Variants in SV2B observed in about 807,000 individuals in gnomAD.
SV2B encodes synaptic vesicle glycoprotein 2B.
SV2B carries 41 observed loss-of-function variants against 73.9 expected under a neutral mutation model. The observed-to-expected ratio is 0.56, with a 90% CI of 0.43 to 0.72. SV2B has a LOEUF of 0.72. Ranked by LOEUF, SV2B falls within the 30% of genes least tolerant of loss-of-function variation. The pLI is 0.00. For missense variants in SV2B, 764 were observed against 857.8 expected, an observed-to-expected ratio of 0.89 and a Z score of 1.37; for synonymous variants, 314 against 314.2, an observed-to-expected ratio of 1.00 and a Z score of 0.01.
chr15:91,302,118 T>C lies in SV2B; in HGVS notation c.*9566T>C, dbSNP rs1161020333. Among the ~76,000 whole-genome samples the C allele has an allele frequency of 1.3e-5, 2 of 152,220 alleles. No individual in the cohort carries two copies. Among genetic ancestry groups the C allele is most frequent in the Admixed American group, 6.5e-5 (1 of 15,282 alleles). On this transcript the variant is annotated 3_prime_UTR_variant, in exon 13 of 13. Coordinates refer to ENST00000394232, the MANE Select transcript of SV2B (RefSeq NM_001323032.3). ...ACAAGACTGTGACCTAATAAAACCC[T>C]CATTTTCCCTATGCATTGTGACTAA... is the stretch of plus-strand genomic sequence containing the variant.
At chr15:91,195,001 G>A in intron 1 of SV2B, among the ~76,000 whole-genome samples, 1 of 137,620 alleles carries the variant, frequency 7.3e-6, no homozygotes, top group Non-Finnish European at 1.5e-5. Context: ...ATGGAGCAGG[G>A]CCTGGGAGGC....
chr15:91,258,336 T>C lies in SV2B; in HGVS notation c.785-85T>C. ...CGGGTGACTCTCTTGTGCCCTGAAGTTTGTGAGCCAGGGCTTCAGAGTCAC... is the reference window on the plus strand; with the variant it reads ...CGGGTGACTCTCTTGTGCCCTGAAGCTTGTGAGCCAGGGCTTCAGAGTCAC... On this transcript the variant is annotated intron_variant, in intron 4 of 12. Coordinates refer to ENST00000394232, the MANE Select transcript of SV2B (RefSeq NM_001323032.3). This position sits in a 1 kb window ranked among gnomAD's most constrained non-coding sequence, Gnocchi z 4.7. The C allele has an allele frequency of 6.4e-7, 1 of 1,557,976 alleles. No homozygotes were observed. The highest frequency in any genetic ancestry group is 8.7e-7 in the Non-Finnish European group (1 of 1,150,876).
chr15:91,213,664 A>C (rs1480336328), intron 1 of SV2B, among the ~76,000 whole-genome samples: 1 of 152,070 alleles, frequency 6.6e-6, no homozygotes, highest in Non-Finnish European at 1.5e-5. Context: ...TACTCCTCTT[A>C]CTTAATTTTA....
chr15:91,106,849 A>G lies in SV2B; in HGVS notation c.-392+6486A>G, dbSNP rs865803380. 3.3e-5 allele frequency among the ~76,000 whole-genome samples: 5 copies of G among 152,152 alleles called. No homozygotes were observed. Among genetic ancestry groups the G allele is most frequent in the Middle Eastern group, 6.8e-3 (2 of 294 alleles). On this transcript the variant is annotated intron_variant, in intron 1 of 12. Transcript: ENST00000394232. This position sits in a 1 kb window ranked among gnomAD's most constrained non-coding sequence, Gnocchi z 4.4. ...CGAGTGTCACCAGCTTGCTTGAGAA[A>G]CCCCACATCTACAGTAGCTTGCATA...
At position 91,281,658 on chromosome 15, in the gene SV2B, GT is replaced by G; in HGVS notation, c.1374-66del. ...ACATCTCCTTTTTCTGCCTTGCTGTGTTTTCCATTTTGGTCTTAAGTCTCTT... is the reference window on the plus strand; with the variant it reads ...ACATCTCCTTTTTCTGCCTTGCTGTGTTTCCATTTTGGTCTTAAGTCTCTT... On this transcript the variant is annotated intron_variant, in intron 9 of 12. Coordinates refer to ENST00000394232, the MANE Select transcript of SV2B (RefSeq NM_001323032.3). The surrounding 1 kb of genome is among the most constrained non-coding windows in gnomAD (Gnocchi z 4.7). The G allele has an allele frequency of 6.6e-7, 1 of 1,507,258 alleles. No homozygotes were observed. Among genetic ancestry groups the G allele is most frequent in the Non-Finnish European group, 8.9e-7 (1 of 1,120,120 alleles). 93.4% of individuals were successfully genotyped at this position (1,507,258 alleles called of 1,614,324 possible).
chr15:91,164,437 C>G (rs4932520), intron 1 of SV2B, among the ~76,000 whole-genome samples: 71,403 of 152,018 alleles, frequency 0.47, 17,083 homozygotes, highest in East Asian at 0.7. Context: ...AGCCAGAATA[C>G]TGTGTCAAAT....
intron 1 of SV2B, among the ~76,000 whole-genome samples, chr15:91,172,283 AT>A (rs2044148983): frequency 6.6e-6 from 1 of 152,084 alleles, no homozygotes; most frequent in Non-Finnish European, 1.5e-5. Flanking sequence ...AAACATTTAC[AT>A]GTGCTTTTCT....
Position 91,258,611 on chromosome 15 carries a change from C to A in SV2B, c.918+57C>A. 6.2e-7 allele frequency: 1 copy of A among 1,607,158 alleles called. No homozygotes were observed. Among genetic ancestry groups the A allele is most frequent in the South Asian group, 1.1e-5 (1 of 89,834 alleles). ...TGACAAAACAGCCACAGGAACCCAGCCTCGCTTCCTTCTCTCAGCTCCTAG... is the reference window on the plus strand; with the variant it reads ...TGACAAAACAGCCACAGGAACCCAGACTCGCTTCCTTCTCTCAGCTCCTAG... On this transcript the variant is annotated intron_variant, in intron 5 of 12. Coordinates refer to ENST00000394232, the MANE Select transcript of SV2B (RefSeq NM_001323032.3). The surrounding 1 kb of genome is among the most constrained non-coding windows in gnomAD (Gnocchi z 4.7).
At chr15:91,218,190 C>T (rs1224446842) in intron 1 of SV2B, among the ~76,000 whole-genome samples, 1 of 152,076 alleles carries the variant, frequency 6.6e-6, no homozygotes, top group Non-Finnish European at 1.5e-5. Flanking sequence ...GACAGTTGTG[C>T]AGCAATATGA....
chr15:91,263,761 C>T (rs757556225), intron 6 of SV2B, among the ~76,000 whole-genome samples: 4 of 152,268 alleles, frequency 2.6e-5, no homozygotes, highest in South Asian at 4.2e-4. Flanking sequence ...GAATGGACTT[C>T]CCGAACATTT....
chr15:91,125,654 A>G (rs2042456002), intron 1 of SV2B, among the ~76,000 whole-genome samples: 1 of 151,906 alleles, frequency 6.6e-6, no homozygotes, highest in Non-Finnish European at 1.5e-5. Flanking sequence ...GCACGCCTGT[A>G]GTCCCAGCTA....
At chr15:91,176,481 G>C (rs1459670783) in intron 1 of SV2B, among the ~76,000 whole-genome samples, 2 of 152,066 alleles carry the variant, frequency 1.3e-5, no homozygotes, top group Non-Finnish European at 2.9e-5. Flanking sequence ...CTTCCACAAG[G>C]GTTGAACTAG....
rs1328311235 is a variant in SV2B at position 91,300,092 on chromosome 15, G to T, written c.*7540G>T. ...TGTGCACTAGTCAGTTTTGATTCAG[G>T]TTACATAAGGGATAAAATATAGAAA... On this transcript the variant is annotated 3_prime_UTR_variant, in exon 13 of 13. Coordinates refer to ENST00000394232, the MANE Select transcript of SV2B (RefSeq NM_001323032.3). The T allele has an allele frequency of 6.6e-6, 1 of 152,202 alleles. No individual in the cohort carries two copies. Among genetic ancestry groups the T allele is most frequent in the Non-Finnish European group, 1.5e-5 (1 of 68,026 alleles). The allele number at this position is 152,202 out of a possible 1,614,324, so 9.4% of individuals were successfully genotyped here. A position where few individuals can be genotyped will look rare whatever the true frequency, so the allele number is the denominator to read the frequency against.
Position 91,289,640 on chromosome 15 carries a change from C to CT in SV2B, c.1829dup (p.Asp611GlyfsTer91). ...GACAAGCATTGCAGCCTGGAATGCTCTGGATGTGATCACAGTGGAGCTGTA... is the reference window on the plus strand; with the variant it reads ...GACAAGCATTGCAGCCTGGAATGCTCTTGGATGTGATCACAGTGGAGCTGTA... On this transcript the variant is annotated frameshift_variant, in exon 12 of 13. Coordinates refer to ENST00000394232, the MANE Select transcript of SV2B (RefSeq NM_001323032.3). LOFTEE classifies it high-confidence loss of function. This position sits in a 1 kb window ranked among gnomAD's most constrained non-coding sequence, Gnocchi z 4.9. The CT allele has an allele frequency of 6.2e-7, 1 of 1,614,044 alleles. No individual in the cohort carries two copies. Among genetic ancestry groups the CT allele is most frequent in the Non-Finnish European group, 8.5e-7 (1 of 1,180,044 alleles).
rs2048768572 is a variant in SV2B at position 91,283,961 on chromosome 15, G to T, written c.1508-60G>T. Reference sequence around the variant, plus strand: ...GGGGGCAGACTTCATCCCTGCCTCTGCCTTTCTCTCTCCAGCTCCCTTCCA... The same window carrying T: ...GGGGGCAGACTTCATCCCTGCCTCTTCCTTTCTCTCTCCAGCTCCCTTCCA... On this transcript the variant is annotated intron_variant, in intron 10 of 12. Coordinates refer to ENST00000394232, the MANE Select transcript of SV2B (RefSeq NM_001323032.3). The surrounding 1 kb of genome is among the most constrained non-coding windows in gnomAD (Gnocchi z 4.3). 1 of 1,578,170 alleles carries T rather than the reference G, an allele frequency of 6.3e-7. No homozygotes were observed. The highest frequency in any genetic ancestry group is 8.7e-7 in the Non-Finnish European group (1 of 1,149,842).
rs1682591529 is a variant in SV2B at position 91,106,619 on chromosome 15, TG to T, written c.-392+6258del. Reference sequence around the variant, plus strand: ...CTTATATCATACGGAAAGCAACGTGTGGTGACAAGAAAGAAAGAGGAACAAG... The same window carrying T: ...CTTATATCATACGGAAAGCAACGTGTGTGACAAGAAAGAAAGAGGAACAAG... On this transcript the variant is annotated intron_variant, in intron 1 of 12. Coordinates refer to ENST00000394232, the MANE Select transcript of SV2B (RefSeq NM_001323032.3). The surrounding 1 kb of genome is among the most constrained non-coding windows in gnomAD (Gnocchi z 4.4). Among the ~76,000 whole-genome samples the T allele has an allele frequency of 6.6e-6, 1 of 152,122 alleles. No homozygotes were observed. Among genetic ancestry groups the T allele is most frequent in the South Asian group, 2.1e-4 (1 of 4,820 alleles).
chr15:91,189,307 G>T (rs2044907521), intron 1 of SV2B, among the ~76,000 whole-genome samples: 1 of 151,832 alleles, frequency 6.6e-6, no homozygotes, highest in Non-Finnish European at 1.5e-5. Context: ...TCCTTTCGTA[G>T]GCATCCATTC....
chr15:91,266,102 C>A (rs1215231219), intron 6 of SV2B, among the ~76,000 whole-genome samples: 1 of 152,204 alleles, frequency 6.6e-6, no homozygotes, highest in Non-Finnish European at 1.5e-5. Context: ...GAGATCGTGC[C>A]ACTGCACTCC....
chr15:91,255,675 T>A (rs11857893), intron 4 of SV2B, among the ~76,000 whole-genome samples: 3,587 of 152,314 alleles, frequency 0.024, 85 homozygotes, highest in East Asian at 0.096. Flanking sequence ...TCCCTATGTG[T>A]ATGCCTGTAT....
Sources: allele counts gnomAD v4.1 joint callset (sites outside exome capture counted in the v4.1 genomes callset), GRCh38; gene constraint gnomAD v4.1.1; non-coding constraint Gnocchi (gnomAD v3.1); transcripts MANE v1.5; gene names NCBI Gene and HGNC (gene_info 2026-07-23, HGNC 2026-07-21).